MUC5AC: variants seen among roughly 807,000 people sequenced by gnomAD.
MUC5AC encodes the protein mucin-5AC.
In MUC5AC, 158 loss-of-function variants were observed where a neutral mutation model predicts 169.7. That is an observed-to-expected ratio of 0.93 (90% CI 0.82 to 1.06). The LOEUF is 1.06. Among genes scored for constraint, MUC5AC ranks in the 50% least tolerant of loss-of-function variants. The pLI is 0.00. For missense variants in MUC5AC, 4,359 were observed against 3,089.9 expected (o/e 1.41, Z -9.74); for synonymous variants, 1,975 against 1,237.0 (o/e 1.60, Z -12.52).
Position 1,175,001 on chromosome 11 carries a change from G to A in MUC5AC, c.2212G>A (p.Val738Met), listed in dbSNP as rs1331446791. 3.0e-5 allele frequency: 12 copies of A among 404,552 alleles called. No individual in the cohort carries two copies. The highest frequency in any genetic ancestry group is 4.4e-5 in the Non-Finnish European group (10 of 229,816). 25.1% of individuals were successfully genotyped at this position (404,552 alleles called of 1,614,324 possible). A position where few individuals can be genotyped will look rare whatever the true frequency, so the allele number is the denominator to read the frequency against. Residue 738 changes from valine to methionine, a missense_variant, in exon 18 of 49, where the codon GTG (valine) becomes ATG (methionine). Physicochemically the swap from Val to Met is conservative, Grantham distance 21. Transcript: ENST00000621226. Reference protein sequence around the residue: ...DITCSVGFIPVDGCICPKGTF... With the variant: ...DITCSVGFIPMDGCICPKGTF... The stretch of plus-strand genomic sequence containing the variant: ...CACCTGCAGTGTTGGCTTCATCCCC[G>A]TGGATGGCTGCATCTGTCCCAAGGG...
At position 1,180,341 on chromosome 11, in the gene MUC5AC, C is replaced by T. The variant is rs1450126254; in HGVS notation, c.3614-13C>T. On this transcript the variant is annotated splice_polypyrimidine_tract_variant and intron_variant, in intron 27 of 48. Coordinates refer to ENST00000621226, the MANE Select transcript of MUC5AC (RefSeq NM_001304359.2). ...CTCGGTCTGGTTGTGACTCTGGCCT[C>T]TTTGGCCCACAGGCTGCTACCCCAA... 1 of 398,622 alleles carries T rather than the reference C, an allele frequency of 2.5e-6. No homozygotes were observed. The highest frequency in any genetic ancestry group is 2.1e-5 in the African/African-American group (1 of 48,632). The allele number at this position is 398,622 out of a possible 1,614,324, so 24.7% of individuals were successfully genotyped here. A position where few individuals can be genotyped will look rare whatever the true frequency, so the allele number is the denominator to read the frequency against.
chr11:1,158,239 C>T lies in MUC5AC; in HGVS notation c.73+167C>T, dbSNP rs552506379. Reference sequence around the variant, plus strand: ...GCCTGGCCACGAACGAGCAGTTTCCCCTTGTGGGGTTGGGAAGGGATCTCT... The same window carrying T: ...GCCTGGCCACGAACGAGCAGTTTCCTCTTGTGGGGTTGGGAAGGGATCTCT... On this transcript the variant is annotated intron_variant, in intron 1 of 48. Coordinates refer to ENST00000621226, the MANE Select transcript of MUC5AC (RefSeq NM_001304359.2). Among the ~76,000 whole-genome samples, 12 of 152,376 alleles carry T rather than the reference C, an allele frequency of 7.9e-5. No individual in the cohort carries two copies. In the East Asian group the frequency reaches 2.1e-3, roughly 27 times the overall value.
At position 1,178,580 on chromosome 11, in the gene MUC5AC, T is replaced by G; in HGVS notation, c.3224T>G (p.Leu1075Arg). The change falls in exon 25 of 49, where the codon CTG becomes CGG. Residue 1075 changes from leucine to arginine, a missense_variant. Leu to Arg is a moderately radical substitution (Grantham distance 102, BLOSUM62 -2). Transcript: ENST00000621226. Reference protein sequence around the residue: ...WKLSPSCPDALAPKDPCTANP... With the variant: ...WKLSPSCPDARAPKDPCTANP... ...CTCTCCCCCTCCTGCCCAGATGCCC[T>G]GGCGCCCAAGGACCCCTGCACGGCC... The G allele has an allele frequency of 7.1e-7, 1 of 1,411,238 alleles. No individual in the cohort carries two copies. Among genetic ancestry groups the G allele is most frequent in the Non-Finnish European group, 9.4e-7 (1 of 1,068,008 alleles). 87.4% of individuals were successfully genotyped at this position (1,411,238 alleles called of 1,614,324 possible).
chr11:1,194,799 A>G, intron 35 of MUC5AC, 129 bp downstream of exon 35: 1 of 617,498 alleles, frequency 1.6e-6, no homozygotes, highest in South Asian at 1.9e-5. Flanking sequence ...AGTGCAGGCC[A>G]CAGGCATGAG....
At chr11:1,200,038 T>C (rs35968147) in intron 48 of MUC5AC, 69 bp downstream of exon 48, 104,107 of 662,498 alleles carry the variant, frequency 0.16, 9,720 homozygotes, top group Non-Finnish European at 0.19. Context: ...CCCAGGGCTC[T>C]AGGTGCCAGA....
intron 25 of MUC5AC, 144 bp downstream of exon 25, chr11:1,178,827 G>A (rs1347815422): frequency 1.6e-5 from 7 of 446,266 alleles, no homozygotes; most frequent in South Asian, 9.0e-5. Context: ...GTATGGACTC[G>A]CCTAGAGGGG....
rs1359402451 is a variant in MUC5AC, at chr11:1,175,215, CA to C, written c.2349-2del. On this transcript the variant is annotated splice_acceptor_variant, in intron 18 of 48. Coordinates refer to ENST00000621226, the MANE Select transcript of MUC5AC (RefSeq NM_001304359.2). LOFTEE classifies it high-confidence loss of function. ...TGAGGCTCTGACCACCATCTCCTCA[CA>C]GCACCTGCACACATGGGAAGCTGAG... The C allele has an allele frequency of 7.5e-6, 3 of 398,694 alleles. No homozygotes were observed. Among genetic ancestry groups the C allele is most frequent in the African/African-American group, 4.1e-5 (2 of 48,630 alleles). 24.7% of individuals were successfully genotyped at this position (398,694 alleles called of 1,614,324 possible).
chr11:1,200,063 G>A, intron 48 of MUC5AC, 94 bp downstream of exon 48: 2 of 627,622 alleles, frequency 3.2e-6, no homozygotes, highest in Non-Finnish European at 5.7e-6. Flanking sequence ...CGAGGGGCAG[G>A]ACCATGAGGG....
At chr11:1,161,394 C>A in intron 2 of MUC5AC, 133 bp from the exon 3 acceptor site, 1 of 623,956 alleles carries the variant, frequency 1.6e-6, no homozygotes, top group Non-Finnish European at 2.6e-6. Context: ...GGGGGCCCAA[C>A]ACGCAGCAGA....
chr11:1,165,179 C>G, intron 9 of MUC5AC, 123 bp from the exon 10 acceptor site: 3 of 859,792 alleles, frequency 3.5e-6, no homozygotes, highest in Non-Finnish European at 5.2e-6. Flanking sequence ...CTGAGGCCCC[C>G]GTCCTGGGCC....
At position 1,192,976 on chromosome 11, in the gene MUC5AC, C is replaced by G. The variant is rs190893751; in HGVS notation, c.14574C>G (p.Pro4858=). The G allele has an allele frequency of 7.7e-4, 546 of 712,344 alleles. 3 individuals are homozygous for G. In the African/African-American group the frequency reaches 8.0e-3, roughly 10 times the overall value. The allele number at this position is 712,344 out of a possible 1,614,324, so 44.1% of individuals were successfully genotyped here. The change falls in exon 32 of 49, where the codon CCC becomes CCG. Residue 4858 remains proline, a synonymous_variant. Coordinates refer to ENST00000621226, the MANE Select transcript of MUC5AC (RefSeq NM_001304359.2). ...TELGCPNAVP[P]RKKGETWATP... ...TGGGATGCCCAAATGCGGTTCCCCC[C>G]AGAAAGGTAACCCCCTACTTCTCAC... is the stretch of plus-strand genomic sequence containing the variant.
In MUC5AC at chr11:1,183,807, A is replaced by G. The variant is rs1860865053; in HGVS notation, c.5662A>G (p.Thr1888Ala). 2.3e-6 allele frequency: 1 copy of G among 427,882 alleles called. No individual in the cohort carries two copies. Among genetic ancestry groups the G allele is most frequent in the Admixed American group, 4.2e-5 (1 of 24,072 alleles). 26.5% of individuals were successfully genotyped at this position (427,882 alleles called of 1,614,324 possible). A position where few individuals can be genotyped will look rare whatever the true frequency, so the allele number is the denominator to read the frequency against. Residue 1888 changes from threonine to alanine, a missense_variant, in exon 31 of 49, where the codon ACC (threonine) becomes GCC (alanine). Thr to Ala is a moderately conservative substitution (Grantham distance 58, BLOSUM62 0). Transcript: ENST00000621226. ...GSSAPSSTPGTVSLSTARTTP... is the reference protein window; with the variant it reads ...GSSAPSSTPGAVSLSTARTTP... ...CTCAGCCCCCAGCAGCACACCTGGC[A>G]CCGTGTCTCTCTCTACAGCCAGGAC...
rs909714964 is a variant in MUC5AC, at chr11:1,160,596, C to G, written c.74-16C>G. On this transcript the variant is annotated splice_polypyrimidine_tract_variant and intron_variant, in intron 1 of 48. Transcript: ENST00000621226. ...CCACCCTGCATCTGGGCTCAGCCCC[C>G]CTCCTCTTTCTGCAGGCCATGCCCA... 1 of 1,602,436 alleles carries G rather than the reference C, an allele frequency of 6.2e-7. No homozygotes were observed. The highest frequency in any genetic ancestry group is 8.5e-7 in the Non-Finnish European group (1 of 1,177,548).
chr11:1,159,107 T>C (rs1860048329), intron 1 of MUC5AC, among the ~76,000 whole-genome samples: 1 of 151,752 alleles, frequency 6.6e-6, no homozygotes, highest in Non-Finnish European at 1.5e-5. Context: ...GGCCGTCATC[T>C]CCGTCTCCCC....
In MUC5AC at chr11:1,168,489, G is replaced by A; in HGVS notation, c.1504G>A (p.Val502Met). The change falls in exon 13 of 49, where the codon GTG (valine) becomes ATG (methionine). Residue 502 changes from valine to methionine, a missense_variant. Coordinates refer to ENST00000621226, the MANE Select transcript of MUC5AC (RefSeq NM_001304359.2). The part of the protein sequence containing the change: ...LSLDGAQTVV[V>M]IKASGEVFLN... ...TCTGTCTGGCTGCCCTCAGGTGGTG[G>A]TGATCAAGGCCAGTGGGGAAGTGTT... 1 of 1,612,264 alleles carries A rather than the reference G, an allele frequency of 6.2e-7. No homozygotes were observed. Among genetic ancestry groups the A allele is most frequent in the Middle Eastern group, 1.7e-4 (1 of 6,060 alleles).
At chr11:1,180,221 C>G (rs1488181425) in intron 27 of MUC5AC, 71 bp downstream of exon 27, 1 of 398,382 alleles carries the variant, frequency 2.5e-6, no homozygotes, top group African/African-American at 2.1e-5. Context: ...CCTCGAGGAG[C>G]CTCTGTGGCC....
intron 25 of MUC5AC, 32 bp from the exon 26 acceptor site, chr11:1,179,060 G>GGCCC: frequency 3.0e-6 from 1 of 329,560 alleles, no homozygotes; most frequent in Non-Finnish European, 6.0e-6. Context: ...TGGTGGGGGG[G>GGCCC]TCCCTGGAAC....
rs1443263470 is a variant in MUC5AC, at chr11:1,189,885, G to A, written c.11740G>A (p.Gly3914Ser). Residue 3914 changes from glycine (G) to serine (S), a missense_variant, in exon 31 of 49, where the codon GGT (glycine) becomes AGT (serine). Gly to Ser is a moderately conservative substitution (Grantham distance 56). Transcript: ENST00000621226. ...AGCTGCTACAAGCAGCACAACCTCC[G>A]GTTCTGGAACTACTCCCAGCCCCGT... is the stretch of plus-strand genomic sequence containing the variant. ...TSAATSSTTS[G>S]SGTTPSPVPT... is the part of the protein sequence containing the mutation. 7.7e-5 allele frequency: 59 copies of A among 764,914 alleles called. 1 individual carries two copies. The highest frequency in any genetic ancestry group is 2.7e-4 in the South Asian group (20 of 74,596). The allele number at this position is 764,914 out of a possible 1,614,324, so 47.4% of individuals were successfully genotyped here.
At chr11:1,161,859 G>A (rs956758908) in intron 3 of MUC5AC, 48 bp from the exon 4 acceptor site, 2 of 1,578,974 alleles carry the variant, frequency 1.3e-6, no homozygotes, top group Non-Finnish European at 1.7e-6. Flanking sequence ...GGGGTGCAGG[G>A]CGAGGATGAG....
Sources: gnomAD v4.1 joint callset for allele counts (sites outside exome capture counted in the v4.1 genomes callset) on GRCh38, gnomAD v4.1.1 for gene constraint, MANE v1.5 for transcripts, NCBI Gene and HGNC (gene_info 2026-07-23, HGNC 2026-07-21) for gene names.